Variants in ENOX1 observed in about 807,000 individuals in gnomAD.
ENOX1 encodes the protein ecto-NOX disulfide-thiol exchanger 1, also known as candidate growth-related and time keeping constitutive hydroquinone (NADH) oxidase.
A neutral mutation model predicts 82.5 loss-of-function variants in ENOX1; 42 were observed. The observed-to-expected ratio is 0.51, with a 90% CI of 0.40 to 0.66. ENOX1 has a LOEUF of 0.66. ENOX1 is among the 30% of genes least tolerant of loss of function. The pLI, the probability that ENOX1 is intolerant of heterozygous loss-of-function variation, is 0.00. For missense variants in ENOX1, 608 were observed against 811.6 expected, an observed-to-expected ratio of 0.75 and a Z score of 3.05; for synonymous variants, 271 against 282.2, an observed-to-expected ratio of 0.96 and a Z score of 0.40.
intron 2 of ENOX1, among the ~76,000 whole-genome samples, chr13:43,601,986 G>C (rs1235377911): frequency 1.3e-5 from 2 of 151,858 alleles, no homozygotes; most frequent in African/African-American, 4.8e-5. Context: ...AAATAAAGGA[G>C]AAATAAACTA....
chr13:43,505,728 T>C (rs1277304551), intron 2 of ENOX1, among the ~76,000 whole-genome samples: 2 of 152,152 alleles, frequency 1.3e-5, no homozygotes, highest in Admixed American at 1.3e-4. Context: ...GGTGGTTTAT[T>C]TTGCTGTGCA....
chr13:43,704,616 AG>A (rs1204025062), intron 1 of ENOX1, among the ~76,000 whole-genome samples: 1 of 152,186 alleles, frequency 6.6e-6, no homozygotes, highest in East Asian at 1.9e-4. Flanking sequence ...AAAAAGCAAC[AG>A]GGGGTGGGAC....
intron 2 of ENOX1, among the ~76,000 whole-genome samples, chr13:43,517,961 C>A (rs11147913): frequency 0.17 from 25,529 of 152,034 alleles, 2,854 homozygotes; most frequent in East Asian, 0.49. Context: ...TGTTCATAAG[C>A]CACATGGTTT....
At chr13:43,282,892 A>G (rs1333719207) in intron 12 of ENOX1, among the ~76,000 whole-genome samples, 1 of 151,442 alleles carries the variant, frequency 6.6e-6, no homozygotes, top group Non-Finnish European at 1.5e-5. Context: ...GGAGTTTGAG[A>G]CCAGTCTGGC....
At chr13:43,414,145 G>A (rs2054305473) in intron 3 of ENOX1, among the ~76,000 whole-genome samples, 1 of 152,026 alleles carries the variant, frequency 6.6e-6, no homozygotes, top group Non-Finnish European at 1.5e-5. Context: ...AATTCCTTGA[G>A]CACTGCACTG....
chr13:43,650,562 G>A (rs1369916471), intron 2 of ENOX1, among the ~76,000 whole-genome samples: 3 of 152,264 alleles, frequency 2.0e-5, no homozygotes, highest in East Asian at 3.9e-4. Flanking sequence ...GCTTGGCCGC[G>A]CATGGTGGCC....
At chr13:43,476,653 C>T (rs2058297664) in intron 3 of ENOX1, among the ~76,000 whole-genome samples, 1 of 152,060 alleles carries the variant, frequency 6.6e-6, no homozygotes, top group Non-Finnish European at 1.5e-5. Flanking sequence ...TCTTCAGACA[C>T]AATTATAGTT....
At chr13:43,353,351 T>C (rs2049934992) in intron 8 of ENOX1, among the ~76,000 whole-genome samples, 1 of 152,230 alleles carries the variant, frequency 6.6e-6, no homozygotes, top group African/African-American at 2.4e-5. Flanking sequence ...GAGAAAATTG[T>C]AAGAATAAAC....
intron 5 of ENOX1, among the ~76,000 whole-genome samples, chr13:43,380,236 G>A (rs184020111): frequency 2.0e-5 from 3 of 151,586 alleles, no homozygotes; most frequent in East Asian, 1.9e-4. Flanking sequence ...AAAGAATATC[G>A]GAAATGGCAA....
At chr13:43,513,354 A>G (rs1162564602) in intron 2 of ENOX1, among the ~76,000 whole-genome samples, 1 of 152,122 alleles carries the variant, frequency 6.6e-6, no homozygotes, top group Non-Finnish European at 1.5e-5. Context: ...AATGGCTGGT[A>G]TGTAGAGAAA....
At chr13:43,507,739 G>A (rs1001521756) in intron 2 of ENOX1, among the ~76,000 whole-genome samples, 31 of 152,046 alleles carry the variant, frequency 2.0e-4, no homozygotes, top group Non-Finnish European at 4.1e-4. Context: ...ACCTGGGACA[G>A]AGGGAGGTAT....
At chr13:43,782,487 G>A (rs1952335122) in intron 1 of ENOX1, among the ~76,000 whole-genome samples, 1 of 152,082 alleles carries the variant, frequency 6.6e-6, no homozygotes. Context: ...GTTAATAGCA[G>A]GCTTCTAAAA....
In ENOX1 at chr13:43,439,226, T is replaced by A. The variant is rs1025514321; in HGVS notation, c.-74-26238A>T. On this transcript the variant is annotated intron_variant, in intron 3 of 16. Transcript: ENST00000690772. ...GGGTCACACCTGGCTAATTTTTTTG[T>A]ATTTTTTTTTTCACTTTTTTTTTTG... Among the ~76,000 whole-genome samples, 3 of 150,780 alleles carry A rather than the reference T, an allele frequency of 2.0e-5. No individual in the cohort carries two copies. In the South Asian group the frequency reaches 6.3e-4, roughly 32 times the overall value.
At chr13:43,766,034 A>G (rs1468073842) in intron 1 of ENOX1, among the ~76,000 whole-genome samples, 4 of 152,194 alleles carry the variant, frequency 2.6e-5, no homozygotes, top group African/African-American at 4.8e-5. Flanking sequence ...CAAAAGAATC[A>G]TTAGTCATTT....
At chr13:43,216,197 C>CA (rs75989750) in intron 16 of ENOX1, among the ~76,000 whole-genome samples, 15,296 of 150,530 alleles carry the variant, frequency 0.1, 1,319 homozygotes, top group East Asian at 0.48. Context: ...GACTCCGTCT[C>CA]AAAAAAAAAT....
chr13:43,591,167 T>C (rs2081230145), intron 2 of ENOX1, among the ~76,000 whole-genome samples: 1 of 152,196 alleles, frequency 6.6e-6, no homozygotes, highest in Non-Finnish European at 1.5e-5. Flanking sequence ...ACCTATGTCT[T>C]ACAGATATAT....
At chr13:43,276,899 T>G (rs140102827) in intron 12 of ENOX1, among the ~76,000 whole-genome samples, 2 of 152,336 alleles carry the variant, frequency 1.3e-5, no homozygotes, top group African/African-American at 4.8e-5. Context: ...ACTCAAGATC[T>G]ATTCTAGTTT....
intron 3 of ENOX1, among the ~76,000 whole-genome samples, chr13:43,472,103 A>G (rs2153648527): frequency 6.6e-6 from 1 of 152,170 alleles, no homozygotes; most frequent in South Asian, 2.1e-4. Flanking sequence ...GTCTAAGCAT[A>G]ATTTCCTCAT....
chr13:43,618,663 T>C (rs1052923597), intron 2 of ENOX1, among the ~76,000 whole-genome samples: 1 of 152,174 alleles, frequency 6.6e-6, no homozygotes, highest in Non-Finnish European at 1.5e-5. Context: ...TGAAATCAGA[T>C]AGTGTGATGC....
Sources: gnomAD v4.1 joint callset for allele counts (sites outside exome capture counted in the v4.1 genomes callset) on GRCh38, gnomAD v4.1.1 for gene constraint, MANE v1.5 for transcripts, NCBI Gene and HGNC (gene_info 2026-07-23, HGNC 2026-07-21) for gene names.